THBS1: variants seen among roughly 807,000 people sequenced by gnomAD.
THBS1 encodes thrombospondin 1.
Under a neutral mutation model 126.1 loss-of-function variants are expected in THBS1, and 29 were observed. The ratio of observed to expected loss-of-function variants is 0.23; its 90% CI spans 0.17 to 0.31. The LOEUF (loss-of-function observed/expected upper bound fraction) is 0.31. THBS1 is among the 10% of genes least tolerant of loss of function. The pLI, the probability that THBS1 is intolerant of heterozygous loss-of-function variation, is 1.00. For synonymous variants in THBS1, 496 were observed against 577.8 expected (o/e 0.86, Z 2.03); for missense variants, 1,198 against 1,545.2 (o/e 0.78, Z 3.77).
intron 10 of THBS1, 59 bp downstream of exon 10, chr15:39,588,758 G>A (rs1263501971): frequency 2.6e-6 from 4 of 1,552,766 alleles, no homozygotes; most frequent in East Asian, 2.3e-5. Context: ...ACTGAATGCT[G>A]CAGTCAGCAT....
In THBS1 at chr15:39,597,340, T is replaced by C. The variant is rs2140354117; in HGVS notation, c.*1971T>C. Reference sequence around the variant, plus strand: ...CATTTTTACTATTTGCCAATACCTTTTTCTAGGAATGTGCTTTTTTTTGTA... The same window carrying C: ...CATTTTTACTATTTGCCAATACCTTCTTCTAGGAATGTGCTTTTTTTTGTA... On this transcript the variant is annotated 3_prime_UTR_variant, in exon 22 of 22. Transcript: ENST00000260356. 6.6e-6 allele frequency: 1 copy of C among 151,272 alleles called. No homozygotes were observed. Among genetic ancestry groups the C allele is most frequent in the Middle Eastern group, 3.4e-3 (1 of 294 alleles). The allele number at this position is 151,272 out of a possible 1,614,324, so 9.4% of individuals were successfully genotyped here. A position where few individuals can be genotyped will look rare whatever the true frequency, so the allele number is the denominator to read the frequency against.
Position 39,593,260 on chromosome 15 carries a change from G to A in THBS1, c.2995+33G>A, listed in dbSNP as rs373891739. The A allele has an allele frequency of 4.7e-5, 75 of 1,611,056 alleles. No individual in the cohort carries two copies. The highest frequency in any genetic ancestry group is 6.3e-5 in the Non-Finnish European group (74 of 1,177,426). On this transcript the variant is annotated intron_variant, in intron 18 of 21. Transcript: ENST00000260356. This position sits in a 1 kb window ranked among gnomAD's most constrained non-coding sequence, Gnocchi z 5.9. ...GCGAGTTCTTAGATCCTAAGAGACT[G>A]ATGCATACATGGGGAAAAACAAATA...
rs1189060335 is a variant in THBS1 at position 39,583,640 on chromosome 15, T to C, written c.651T>C (p.Phe217=). ...AGGGGGTGCTGCAGAATGTGAGGTT[T>C]GTCTTTGGAACCACACCAGAAGACA... is the stretch of plus-strand genomic sequence containing the variant. ...NFQGVLQNVR[F]VFGTTPEDIL... Residue 217 remains phenylalanine (F), a synonymous_variant, in exon 4 of 22, where the codon TTT becomes TTC. Coordinates refer to ENST00000260356, the MANE Select transcript of THBS1 (RefSeq NM_003246.4). The C allele has an allele frequency of 6.2e-7, 1 of 1,614,098 alleles. No individual in the cohort carries two copies. The highest frequency in any genetic ancestry group is 1.7e-5 in the Admixed American group (1 of 60,016).
In THBS1 at chr15:39,589,183, G is replaced by A. The variant is rs559303214; in HGVS notation, c.1774-19G>A. On this transcript the variant is annotated intron_variant, in intron 11 of 21. Transcript: ENST00000260356. The surrounding 1 kb of genome is among the most constrained non-coding windows in gnomAD (Gnocchi z 4.7). ...GCAGTGACTTCTAAACATGATGCAC[G>A]CTCTTATTTCCTCCATAGTGCAAAG... 3.6e-5 allele frequency: 58 copies of A among 1,613,950 alleles called. No individual in the cohort carries two copies. The Admixed American group carries it at 4.8e-4, about 13-fold the overall frequency.
At chr15:39,584,808 G>A (rs1313266110) in intron 6 of THBS1, among the ~76,000 whole-genome samples, 1 of 152,004 alleles carries the variant, frequency 6.6e-6, no homozygotes, top group East Asian at 1.9e-4. Context: ...AGTAGCAATT[G>A]TTTTTCAAAT....
At chr15:39,590,108 G>T in intron 13 of THBS1, 85 bp downstream of exon 13, 1 of 1,207,792 alleles carries the variant, frequency 8.3e-7, no homozygotes. Flanking sequence ...AATACTTAAA[G>T]TTTGGACATG....
In THBS1 at chr15:39,583,614, CAG is replaced by C; in HGVS notation, c.628-2_628-1del. 6.2e-7 allele frequency: 1 copy of C among 1,613,250 alleles called. No homozygotes were observed. Among genetic ancestry groups the C allele is most frequent in the Non-Finnish European group, 8.5e-7 (1 of 1,179,516 alleles). On this transcript the variant is annotated splice_acceptor_variant, in intron 3 of 21. Transcript: ENST00000260356. LOFTEE classifies it high-confidence loss of function. Reference sequence around the variant, plus strand: ...ACAAGTAATGTGTGTCCTCTGCCCACAGGGGGTGCTGCAGAATGTGAGGTTTG... The same window carrying C: ...ACAAGTAATGTGTGTCCTCTGCCCACGGGGTGCTGCAGAATGTGAGGTTTG...
chr15:39,588,619 C>T lies in THBS1; in HGVS notation c.1565C>T (p.Pro522Leu), dbSNP rs746950582. 6.2e-7 allele frequency: 1 copy of T among 1,611,842 alleles called. No homozygotes were observed. Among genetic ancestry groups the T allele is most frequent in the Non-Finnish European group, 8.5e-7 (1 of 1,179,118 alleles). ...AAACGTAGTCGTCTCTGCAACAACC[C>T]CACACCCCAGTTTGGAGGCAAGGAC... ...VQKRSRLCNN[P>L]TPQFGGKDCV... Residue 522 changes from proline to leucine, a missense_variant, in exon 10 of 22, where the codon CCC (proline) becomes CTC (leucine). Physicochemically the swap from Pro to Leu is moderately conservative, Grantham distance 98. Around this residue, in one of 4 missense-constraint regions of THBS1, gnomAD observed 663 missense variants for 860.1 expected, o/e 0.77. Transcript: ENST00000260356.
At chr15:39,590,447 A>T (rs1566841146) in intron 13 of THBS1, 69 bp from the exon 14 acceptor site, 5 of 1,213,908 alleles carry the variant, frequency 4.1e-6, no homozygotes, top group Non-Finnish European at 3.5e-6. Context: ...TTCCAGGTAC[A>T]CTCCCTCGTG....
At chr15:39,588,743 CTT>C in intron 10 of THBS1, 44 bp downstream of exon 10, 1 of 1,551,042 alleles carries the variant, frequency 6.4e-7, no homozygotes, top group Non-Finnish European at 8.7e-7. Flanking sequence ...GAGCTTTGCT[CTT>C]TTACTGAATG....
In THBS1 at chr15:39,592,459, A is replaced by G; in HGVS notation, c.2533-109A>G. 1 of 816,080 alleles carries G rather than the reference A, an allele frequency of 1.2e-6. No homozygotes were observed. 50.6% of individuals were successfully genotyped at this position (816,080 alleles called of 1,614,324 possible). The stretch of plus-strand genomic sequence containing the variant: ...AGTGTGTAAATAGACATGACACCCC[A>G]CTGGCTGTATCAAACAATGGAGAAT... On this transcript the variant is annotated intron_variant, in intron 16 of 21. Coordinates refer to ENST00000260356, the MANE Select transcript of THBS1 (RefSeq NM_003246.4). This position sits in a 1 kb window ranked among gnomAD's most constrained non-coding sequence, Gnocchi z 4.3.
Position 39,598,290 on chromosome 15 carries a change from ACT to A in THBS1, c.*2925_*2926del, listed in dbSNP as rs758838157. On this transcript the variant is annotated 3_prime_UTR_variant, in exon 22 of 22. Transcript: ENST00000260356. ...GATAAAATCTTCCTTGTTGATTTTCACTCTCATTCTATAAATACTCATCTTTC... is the reference window on the plus strand; with the variant it reads ...GATAAAATCTTCCTTGTTGATTTTCACTCATTCTATAAATACTCATCTTTC... 1 of 152,184 alleles carries A rather than the reference ACT, an allele frequency of 6.6e-6. No homozygotes were observed. Among genetic ancestry groups the A allele is most frequent in the Non-Finnish European group, 1.5e-5 (1 of 68,024 alleles). 9.4% of individuals were successfully genotyped at this position (152,184 alleles called of 1,614,324 possible). A position where few individuals can be genotyped will look rare whatever the true frequency, so the allele number is the denominator to read the frequency against.
intron 2 of THBS1, 59 bp downstream of exon 2, chr15:39,581,983 C>A: frequency 6.4e-7 from 1 of 1,574,426 alleles, no homozygotes; most frequent in South Asian, 1.1e-5. Context: ...CTGGCTATCC[C>A]AGGTGTGCCC....
At chr15:39,588,321 G>GGTAA in intron 9 of THBS1, 103 bp downstream of exon 9, 1 of 1,412,276 alleles carries the variant, frequency 7.1e-7, no homozygotes, top group Non-Finnish European at 9.5e-7. Context: ...AGAGCAGGAA[G>GGTAA]GTTACCTACT....
chr15:39,582,801 G>C (rs781338748), intron 3 of THBS1, 49 bp downstream of exon 3: 1 of 1,542,414 alleles, frequency 6.5e-7, no homozygotes, highest in Non-Finnish European at 8.7e-7. Flanking sequence ...CTGCTAGACA[G>C]GTGACCTGCC....
chr15:39,589,779 G>A lies in THBS1; in HGVS notation c.1927-26G>A, dbSNP rs374189206. ...ATCTGAGGATTCTCAAAAGCTCTGT[G>A]TAACAGCAGCATGGTGTACCCTCAG... is the stretch of plus-strand genomic sequence containing the variant. On this transcript the variant is annotated intron_variant, in intron 12 of 21. Coordinates refer to ENST00000260356, the MANE Select transcript of THBS1 (RefSeq NM_003246.4). This position sits in a 1 kb window ranked among gnomAD's most constrained non-coding sequence, Gnocchi z 4.7. 3 of 1,567,772 alleles carry A rather than the reference G, an allele frequency of 1.9e-6. No homozygotes were observed. Among genetic ancestry groups the A allele is most frequent in the African/African-American group, 2.7e-5 (2 of 73,628 alleles).
Position 39,587,533 on chromosome 15 carries a change from G to A in THBS1, c.1294+13G>A, listed in dbSNP as rs772981278. 3.1e-6 allele frequency: 5 copies of A among 1,604,324 alleles called. No individual in the cohort carries two copies. The highest frequency in any genetic ancestry group is 4.3e-6 in the Non-Finnish European group (5 of 1,173,642). ...TGTGACAAGAGATGTAAGCATCTTA[G>A]CCTCTCAGGGACGTGGAGAACTGAC... On this transcript the variant is annotated intron_variant, in intron 8 of 21. Transcript: ENST00000260356.
rs780261745 is a variant in THBS1 at position 39,582,562 on chromosome 15, C to T, written c.437C>T (p.Ala146Val). The change falls in exon 3 of 22, where the codon GCT becomes GTT. Residue 146 changes from alanine to valine, a missense_variant. Around this residue, in one of 4 missense-constraint regions of THBS1, gnomAD observed 271 missense variants for 277.0 expected, o/e 0.98. Coordinates refer to ENST00000260356, the MANE Select transcript of THBS1 (RefSeq NM_003246.4). ...CAGCACGTGGTGTCTGTGGAAGAAG[C>T]TCTCCTGGCAACCGGCCAGTGGAAG... ...GKQHVVSVEE[A>V]LLATGQWKSI... 6.2e-7 allele frequency: 1 copy of T among 1,614,184 alleles called. No homozygotes were observed. The highest frequency in any genetic ancestry group is 1.1e-5 in the South Asian group (1 of 91,090).
rs778150114 is a variant in THBS1, at chr15:39,589,331, G to A, written c.1903G>A (p.Glu635Lys). The part of the protein sequence containing the change: ...TGSQPFGQGV[E>K]HATANKQVCK... ...CTCACAGCCCTTCGGCCAGGGTGTC[G>A]AACATGCCACGGCCAACAAACAGGT... is the stretch of plus-strand genomic sequence containing the variant. The change falls in exon 12 of 22, where the codon GAA (glutamate) becomes AAA (lysine). Residue 635 changes from glutamate to lysine, a missense_variant. Coordinates refer to ENST00000260356, the MANE Select transcript of THBS1 (RefSeq NM_003246.4). This position sits in a 1 kb window ranked among gnomAD's most constrained non-coding sequence, Gnocchi z 4.7. 9.9e-6 allele frequency: 16 copies of A among 1,613,796 alleles called. No individual in the cohort carries two copies. The highest frequency in any genetic ancestry group is 1.2e-5 in the Non-Finnish European group (14 of 1,180,026).
Sources: gnomAD v4.1 joint callset for allele counts (sites outside exome capture counted in the v4.1 genomes callset) on GRCh38, gnomAD v4.1.1 for gene constraint, gnomAD v4.1.1 regional missense constraint, Gnocchi (gnomAD v3.1) non-coding constraint, MANE v1.5 for transcripts, NCBI Gene and HGNC (gene_info 2026-07-23, HGNC 2026-07-21) for gene names.